Variants in COLEC10 observed in about 807,000 individuals in gnomAD.
COLEC10 encodes the protein collectin-10.
In COLEC10, 22 loss-of-function variants were observed where a neutral mutation model predicts 28.4. That is an observed-to-expected ratio of 0.78 (90% CI 0.55 to 1.11). The LOEUF is 1.11. COLEC10 is among the 50% of genes least tolerant of loss of function. The pLI is 0.00. For missense variants in COLEC10, 361 were observed against 344.1 expected (o/e 1.05, Z -0.39); for synonymous variants, 125 against 116.1 (o/e 1.08, Z -0.49).
chr8:119,053,103 G>T (rs1462330144), intron 2 of COLEC10, among the ~76,000 whole-genome samples: 1 of 152,050 alleles, frequency 6.6e-6, no homozygotes, highest in East Asian at 1.9e-4. Context: ...GATTTGATGT[G>T]CTCTACAATA....
intron 1 of COLEC10, among the ~76,000 whole-genome samples, chr8:119,075,633 C>A (rs867904888): frequency 4.6e-5 from 7 of 152,094 alleles, no homozygotes; most frequent in South Asian, 2.1e-4. Context: ...AAAGGTTAAT[C>A]CATTATTCTA....
intron 3 of COLEC10, among the ~76,000 whole-genome samples, chr8:119,100,065 A>T (rs1379604218): frequency 6.6e-6 from 1 of 152,224 alleles, no homozygotes; most frequent in Admixed American, 6.6e-5. Context: ...TTAAACCCAT[A>T]ATCATACAAT....
At chr8:118,994,887 A>G (rs1813564055), upstream of COLEC10, among the ~76,000 whole-genome samples, 1 of 152,340 alleles carries the variant, frequency 6.6e-6, no homozygotes, top group East Asian at 1.9e-4. Flanking sequence ...AATTTAATAT[A>G]CATGAGTTCA....
At chr8:119,028,447 T>C (rs1179727819) in intron 2 of COLEC10, among the ~76,000 whole-genome samples, 1 of 152,118 alleles carries the variant, frequency 6.6e-6, no homozygotes, top group Non-Finnish European at 1.5e-5. Flanking sequence ...CTCAGAATCA[T>C]GGTGGGAGGT....
At chr8:119,055,798 C>T (rs1192245626) in intron 2 of COLEC10, among the ~76,000 whole-genome samples, 1 of 152,090 alleles carries the variant, frequency 6.6e-6, no homozygotes, top group Non-Finnish European at 1.5e-5. Context: ...GCTTCCTCTT[C>T]AGAGTTGACA....
At chr8:119,044,810 G>A (rs936314666) in intron 2 of COLEC10, among the ~76,000 whole-genome samples, 14 of 150,398 alleles carry the variant, frequency 9.3e-5, no homozygotes, top group East Asian at 3.9e-4. Context: ...AGCCGAGATC[G>A]CACCAGCATG....
the COLEC10 span, among the ~76,000 whole-genome samples, chr8:118,957,370 G>T: frequency 1.3e-5 from 2 of 152,220 alleles, no homozygotes; most frequent in Non-Finnish European, 2.9e-5. Context: ...GGCTATGAAG[G>T]CCTACTTTAG....
At chr8:119,071,647 A>C (rs1815128097) in intron 1 of COLEC10, among the ~76,000 whole-genome samples, 1 of 152,162 alleles carries the variant, frequency 6.6e-6, no homozygotes, top group Non-Finnish European at 1.5e-5. Flanking sequence ...ACTAAGTGAA[A>C]ATATCTTGTG....
chr8:119,097,411 A>G (rs1815742220), intron 3 of COLEC10, among the ~76,000 whole-genome samples: 1 of 152,122 alleles, frequency 6.6e-6, no homozygotes, highest in South Asian at 2.1e-4. Context: ...AGCCAAACAT[A>G]CATAGCTAAT....
the COLEC10 span, among the ~76,000 whole-genome samples, chr8:118,963,642 A>G: frequency 6.6e-6 from 1 of 152,224 alleles, no homozygotes; most frequent in Non-Finnish European, 1.5e-5. Context: ...TATCCTTTTC[A>G]TAGTCTACAC....
intron 2 of COLEC10, among the ~76,000 whole-genome samples, chr8:119,022,521 G>A (rs1054193975): frequency 6.6e-6 from 1 of 152,036 alleles, no homozygotes; most frequent in Admixed American, 6.6e-5. Flanking sequence ...AATGATGTTA[G>A]GAAAGACTAC....
the COLEC10 span, among the ~76,000 whole-genome samples, chr8:118,974,471 A>G: frequency 6.6e-6 from 1 of 151,996 alleles, no homozygotes. Context: ...TAAGATAAGA[A>G]TTCCTTCAAG....
intron 2 of COLEC10, among the ~76,000 whole-genome samples, chr8:119,053,760 C>T (rs547754369): frequency 6.6e-6 from 1 of 151,892 alleles, no homozygotes; most frequent in Non-Finnish European, 1.5e-5. Context: ...AATCTTCATT[C>T]TTTCCTTCAG....
chr8:119,069,091 A>G (rs1351940277), intron 1 of COLEC10, among the ~76,000 whole-genome samples: 1 of 152,028 alleles, frequency 6.6e-6, no homozygotes, highest in Non-Finnish European at 1.5e-5. Context: ...AAGATAAGTA[A>G]CCTGTCCTAG....
intron 2 of COLEC10, among the ~76,000 whole-genome samples, chr8:119,025,975 T>C (rs1374352666): frequency 1.3e-5 from 2 of 152,168 alleles, no homozygotes; most frequent in South Asian, 2.1e-4. Flanking sequence ...ACCAAAGCCG[T>C]TGAACTCTTT....
At chr8:118,961,457 GGAA>G in the COLEC10 span, among the ~76,000 whole-genome samples, 1 of 152,336 alleles carries the variant, frequency 6.6e-6, no homozygotes, top group Non-Finnish European at 1.5e-5. Context: ...GTGCCAAGAT[GGAA>G]GAATACAAGT....
At chr8:119,019,175 T>C (rs1270598852) in intron 2 of COLEC10, among the ~76,000 whole-genome samples, 1 of 152,194 alleles carries the variant, frequency 6.6e-6, no homozygotes, top group African/African-American at 2.4e-5. Context: ...TAAATATGCT[T>C]GCACACTGTG....
At chr8:119,056,350 C>G (rs951700693) in intron 2 of COLEC10, among the ~76,000 whole-genome samples, 1 of 151,960 alleles carries the variant, frequency 6.6e-6, no homozygotes, top group African/African-American at 2.4e-5. Context: ...TTCTGGACAA[C>G]GAGATGAAAG....
chr8:119,057,475 T>A (rs1339043075), intron 2 of COLEC10, among the ~76,000 whole-genome samples: 1 of 152,088 alleles, frequency 6.6e-6, no homozygotes, highest in African/African-American at 2.4e-5. Flanking sequence ...CAGGTGCCTC[T>A]CCTCAGGGTC....
Sources: gnomAD v4.1 joint callset for allele counts (sites outside exome capture counted in the v4.1 genomes callset) on GRCh38, gnomAD v4.1.1 for gene constraint, MANE v1.5 for transcripts, NCBI Gene and HGNC (gene_info 2026-07-23, HGNC 2026-07-21) for gene names.